The following GNL3L variants were observed in gnomAD, a reference collection of about 807,000 sequenced individuals.
GNL3L encodes guanine nucleotide-binding protein-like 3-like protein.
GNL3L carries 4 observed loss-of-function variants against 42.9 expected under a neutral mutation model. The observed-to-expected ratio is 0.09, with a 90% CI of 0.05 to 0.21. GNL3L has a LOEUF of 0.21. Among genes scored for constraint, GNL3L ranks in the 10% least tolerant of loss-of-function variants. The pLI, the probability that GNL3L is intolerant of heterozygous loss-of-function variation, is 1.00. For synonymous variants in GNL3L, 159 were observed against 176.3 expected (o/e 0.90, Z 0.78); for missense variants, 412 against 481.7 (o/e 0.86, Z 1.36).
rs1372540603 is a variant in GNL3L, at chrX:54,562,128, C to G, written c.*1526C>G. On this transcript the variant is annotated 3_prime_UTR_variant, in exon 16 of 16. Transcript: ENST00000360845. ...TGGCGTGATCTCGGCTCACTGCAAC[C>G]TCTGCCTCCCGGGTTCAAGTGATCC... Among the ~76,000 whole-genome samples, 1 of 112,077 alleles carries G rather than the reference C, an allele frequency of 8.9e-6. No homozygotes were observed. Among genetic ancestry groups the G allele is most frequent in the South Asian group, 3.7e-4 (1 of 2,696 alleles).
chrX:54,643,950 T>C, the GNL3L span, among the ~76,000 whole-genome samples: 2 of 112,453 alleles, frequency 1.8e-5, no homozygotes, highest in Non-Finnish European at 3.8e-5. Context: ...GATTTCACTC[T>C]TTTTGTATGG....
chrX:54,638,454 T>C, the GNL3L span, among the ~76,000 whole-genome samples: 1 of 111,799 alleles, frequency 8.9e-6, no homozygotes, highest in Non-Finnish European at 1.9e-5. Flanking sequence ...CATGTCAGTT[T>C]ATATATAGCT....
chrX:54,576,419 A>G (rs1419245553), intron 16 of GNL3L, among the ~76,000 whole-genome samples: 1 of 111,797 alleles, frequency 8.9e-6, no homozygotes, highest in African/African-American at 3.2e-5. Flanking sequence ...TCTAGACTGC[A>G]TATAGCTTGA....
intron 13 of GNL3L, among the ~76,000 whole-genome samples, chrX:54,553,334 G>C (rs1008331992): frequency 9.0e-6 from 1 of 111,521 alleles, no homozygotes; most frequent in East Asian, 2.8e-4. Context: ...TTCTGGGCTT[G>C]TCTGTAGACA....
chrX:54,533,007 C>G (rs1205494297), intron 2 of GNL3L, among the ~76,000 whole-genome samples: 2 of 111,990 alleles, frequency 1.8e-5, no homozygotes, highest in East Asian at 5.6e-4. Flanking sequence ...ATCACTCAGT[C>G]TGGATCTTTT....
intron 16 of GNL3L, among the ~76,000 whole-genome samples, chrX:54,600,318 C>A (rs1323123821): frequency 1.0e-5 from 1 of 99,345 alleles, no homozygotes; most frequent in Non-Finnish European, 2.0e-5. Context: ...CCTCTGCATC[C>A]CGGGTTCAAG....
rs72620354 is a variant in GNL3L, at chrX:54,578,839, G to T, written c.*45+18192G>T. Among the ~76,000 whole-genome samples, 252 of 112,353 alleles carry T rather than the reference G, an allele frequency of 2.2e-3. 3 individuals are homozygous for T. In the East Asian group the frequency reaches 0.054, roughly 24 times the overall value. On this transcript the variant is annotated intron_variant, in intron 16 of 16. Coordinates refer to the GNL3L transcript ENST00000674498. The stretch of plus-strand genomic sequence containing the variant: ...CTATGTTATTGGCAACTGCAAAAAT[G>T]TATGGGAGTTCCAGTTTGTCTGCAT...
intron 16 of GNL3L, among the ~76,000 whole-genome samples, chrX:54,587,403 A>G (rs970576019): frequency 8.9e-6 from 1 of 111,918 alleles, no homozygotes; most frequent in Non-Finnish European, 1.9e-5. Context: ...TTTATGCCTA[A>G]TAATATTTGC....
chrX:54,602,475 G>A (rs1926015215), intron 16 of GNL3L, among the ~76,000 whole-genome samples: 1 of 110,322 alleles, frequency 9.1e-6, no homozygotes, highest in Admixed American at 9.7e-5. Context: ...TGGAGGAGGT[G>A]CTTTAGAGTT....
chrX:54,551,450 C>T, intron 10 of GNL3L, 118 bp from the exon 11 acceptor site: 1 of 557,922 alleles, frequency 1.8e-6, no homozygotes, highest in Non-Finnish European at 3.0e-6. Context: ...ATCTCTCCAC[C>T]TTCGTCTCTA....
At chrX:54,604,130 C>G (rs1926031962) in intron 16 of GNL3L, among the ~76,000 whole-genome samples, 1 of 110,774 alleles carries the variant, frequency 9.0e-6, no homozygotes, top group African/African-American at 3.3e-5. Context: ...CAGAGTAAGA[C>G]CACCTCTCAA....
intron 16 of GNL3L, among the ~76,000 whole-genome samples, chrX:54,619,326 C>T (rs181457947): frequency 7.7e-4 from 85 of 110,650 alleles, no homozygotes; most frequent in Admixed American, 7.6e-3. Context: ...CTGTTTAACA[C>T]GACATGGAAA....
rs1341664958 is a variant in GNL3L at position 54,563,797 on chromosome X, AAG to A, written c.*3198_*3199del. The stretch of plus-strand genomic sequence containing the variant: ...TGAGACTGTCTCAGGGGGAAAAAAA[AAG>A]AGGAAAACAAAAAAGACGTTGGGAG... On this transcript the variant is annotated 3_prime_UTR_variant, in exon 16 of 16. Coordinates refer to ENST00000360845, the MANE Select transcript of GNL3L (RefSeq NM_001184819.2). Among the ~76,000 whole-genome samples, 4 of 111,077 alleles carry A rather than the reference AAG, an allele frequency of 3.6e-5. No individual in the cohort carries two copies. Among genetic ancestry groups the A allele is most frequent in the African/African-American group, 1.3e-4 (4 of 30,473 alleles).
chrX:54,585,283 A>C (rs1451789948), intron 16 of GNL3L, among the ~76,000 whole-genome samples: 1 of 111,290 alleles, frequency 9.0e-6, no homozygotes, highest in East Asian at 2.8e-4. Context: ...TCATAAAATG[A>C]ATTTTGAAGT....
intron 2 of GNL3L, among the ~76,000 whole-genome samples, chrX:54,533,359 C>T (rs182367671): frequency 0.018 from 1,795 of 99,987 alleles, 40 homozygotes; most frequent in African/African-American, 0.065. Context: ...CAGAGTGAGA[C>T]GCTGTCTCAA....
chrX:54,632,586 C>T, the GNL3L span, among the ~76,000 whole-genome samples: 1 of 111,087 alleles, frequency 9.0e-6, no homozygotes, highest in African/African-American at 3.3e-5. Flanking sequence ...TTCATTTCAT[C>T]GAATGTGTCT....
chrX:54,606,642 AT>A (rs61119934), intron 16 of GNL3L, among the ~76,000 whole-genome samples: 92 of 98,235 alleles, frequency 9.4e-4, no homozygotes, highest in Middle Eastern at 5.1e-3. Context: ...TGCCAGGCCA[AT>A]TTTTTTTTTT....
In GNL3L at chrX:54,551,560, C is replaced by T. The variant is rs756569633; in HGVS notation, c.864-8C>T. ...GGTACATCTGGGCTTTCTTCTTCCC[C>T]GCCCCAGATTCATGCAGGAGGTCTA... On this transcript the variant is annotated splice_polypyrimidine_tract_variant and splice_region_variant and intron_variant, in intron 10 of 15. Coordinates refer to ENST00000360845, the MANE Select transcript of GNL3L (RefSeq NM_001184819.2). The T allele has an allele frequency of 2.1e-5, 25 of 1,203,434 alleles. No individual in the cohort carries two copies. The highest frequency in any genetic ancestry group is 5.3e-5 in the South Asian group (3 of 56,419).
At chrX:54,637,299 TG>T in the GNL3L span, among the ~76,000 whole-genome samples, 128 of 111,845 alleles carry the variant, frequency 1.1e-3, no homozygotes, top group Admixed American at 2.7e-3. Flanking sequence ...TTTCTTGACT[TG>T]GTAATTGTCT....
Sources: allele counts gnomAD v4.1 joint callset (sites outside exome capture counted in the v4.1 genomes callset), GRCh38; gene constraint gnomAD v4.1.1; transcripts MANE v1.5; gene names NCBI Gene and HGNC (gene_info 2026-07-23, HGNC 2026-07-21).